The following STAG1 variants were observed in gnomAD, a reference collection of about 807,000 sequenced individuals.
STAG1 encodes the protein cohesin subunit SA-1.
STAG1 carries 26 observed loss-of-function variants against 170.9 expected under a neutral mutation model. The observed-to-expected ratio is 0.15, with a 90% CI of 0.11 to 0.21. The LOEUF (loss-of-function observed/expected upper bound fraction) is 0.21, where lower values mean the gene tolerates loss of function less well. Among genes scored for constraint, STAG1 ranks in the 10% least tolerant of loss-of-function variants. The probability of loss-of-function intolerance (pLI) is 1.00; values close to 1 mark genes in which losing one functional copy is unlikely to be tolerated. For missense variants in STAG1, 964 were observed against 1,509.5 expected, an observed-to-expected ratio of 0.64 and a Z score of 5.99; for synonymous variants, 514 against 497.7, an observed-to-expected ratio of 1.03 and a Z score of -0.44.
rs572334876 is a variant in STAG1 at position 136,628,010 on chromosome 3, C to T, written c.29+2860G>A. On this transcript the variant is annotated intron_variant, in intron 2 of 33. Coordinates refer to ENST00000383202, the MANE Select transcript of STAG1 (RefSeq NM_005862.3). ...TTATTATATCTCTATCATGCTGATA[C>T]GGTTTGGCTCTGTGTCCTCACCAAA... Among the ~76,000 whole-genome samples, 8 of 152,280 alleles carry T rather than the reference C, an allele frequency of 5.3e-5. No individual in the cohort carries two copies. In the South Asian group the frequency reaches 1.0e-3, roughly 20 times the overall value.
At chr3:136,522,581 TCA>T (rs1311206687) in intron 6 of STAG1, among the ~76,000 whole-genome samples, 1 of 152,214 alleles carries the variant, frequency 6.6e-6, no homozygotes, top group African/African-American at 2.4e-5. Flanking sequence ...TAATTATTTT[TCA>T]CTCTACTTTT....
intron 29 of STAG1, 35 bp from the exon 30 acceptor site, chr3:136,344,041 G>A (rs758075536): frequency 1.1e-4 from 157 of 1,493,372 alleles, no homozygotes; most frequent in Non-Finnish European, 1.4e-4. Flanking sequence ...ACAATGTCGT[G>A]GGTGGAGTGA....
At position 136,433,708 on chromosome 3, in the gene STAG1, C is replaced by T. The variant is rs188686787; in HGVS notation, c.1547-49G>A. 1.0e-4 allele frequency: 131 copies of T among 1,261,032 alleles called. No individual in the cohort carries two copies. In the Admixed American group the frequency reaches 2.5e-3, roughly 24 times the overall value. 78.1% of individuals were successfully genotyped at this position (1,261,032 alleles called of 1,614,324 possible). A position where few individuals can be genotyped will look rare whatever the true frequency, so the allele number is the denominator to read the frequency against. ...GCATGAGTAGACAGTTTTACAACAA[C>T]CATGTATTAAAAATGAACACATTAT... On this transcript the variant is annotated intron_variant, in intron 15 of 33. Coordinates refer to ENST00000383202, the MANE Select transcript of STAG1 (RefSeq NM_005862.3).
intron 14 of STAG1, among the ~76,000 whole-genome samples, chr3:136,444,321 G>T (rs1006149973): frequency 6.6e-6 from 1 of 152,142 alleles, no homozygotes; most frequent in Non-Finnish European, 1.5e-5. Flanking sequence ...AGATCTGCCT[G>T]CCTCGGCCTG....
chr3:136,523,848 G>A lies in STAG1; in HGVS notation c.472-2431C>T, dbSNP rs1007181581. On this transcript the variant is annotated intron_variant, in intron 6 of 33. Transcript: ENST00000383202. ...TTTTCCCAGCACCATTCATTAAATAGGGAATCCTTTCCCCATTGCTTGTTT... is the reference window on the plus strand; with the variant it reads ...TTTTCCCAGCACCATTCATTAAATAAGGAATCCTTTCCCCATTGCTTGTTT... 2.9e-4 allele frequency among the ~76,000 whole-genome samples: 44 copies of A among 152,212 alleles called. 1 individual carries two copies. The highest frequency in any genetic ancestry group is 1.0e-3 in the African/African-American group (43 of 41,556).
chr3:136,383,837 C>T (rs1252349209), intron 22 of STAG1, among the ~76,000 whole-genome samples: 1 of 151,660 alleles, frequency 6.6e-6, no homozygotes, highest in Admixed American at 6.6e-5. Flanking sequence ...CGCCTGTAGT[C>T]CTAGCTACTC....
At chr3:136,511,713 G>A (rs927569737) in intron 7 of STAG1, among the ~76,000 whole-genome samples, 2 of 152,094 alleles carry the variant, frequency 1.3e-5, no homozygotes, top group African/African-American at 4.8e-5. Flanking sequence ...CTTAATACCT[G>A]GGTGACAAAA....
chr3:136,531,491 C>A (rs1935363706), intron 6 of STAG1, among the ~76,000 whole-genome samples: 1 of 148,952 alleles, frequency 6.7e-6, no homozygotes, highest in Non-Finnish European at 1.5e-5. Context: ...TTCACAATAG[C>A]AAAGACTTGG....
chr3:136,372,960 T>C (rs894627589), intron 23 of STAG1, among the ~76,000 whole-genome samples: 1 of 152,222 alleles, frequency 6.6e-6, no homozygotes, highest in African/African-American at 2.4e-5. Context: ...AGAATTCGGC[T>C]GTGAATCCAT....
At chr3:136,436,422 C>T (rs1236411914) in intron 15 of STAG1, among the ~76,000 whole-genome samples, 1 of 152,006 alleles carries the variant, frequency 6.6e-6, no homozygotes, top group African/African-American at 2.4e-5. Context: ...GCTGGGATTA[C>T]AGGCATGTAC....
chr3:136,474,436 T>C (rs1239637166), intron 10 of STAG1, among the ~76,000 whole-genome samples: 1 of 152,230 alleles, frequency 6.6e-6, no homozygotes, highest in Non-Finnish European at 1.5e-5. Flanking sequence ...GTTTCTTGTT[T>C]ATAAAATTAT....
chr3:136,452,187 A>G (rs554510420), intron 13 of STAG1, 40 bp from the exon 14 acceptor site: 26 of 1,285,418 alleles, frequency 2.0e-5, no homozygotes, highest in Non-Finnish European at 2.5e-5. Flanking sequence ...TTACATGAAT[A>G]TGAACTTTAG....
chr3:136,521,183 T>A, intron 7 of STAG1, 30 bp downstream of exon 7: 1 of 1,568,344 alleles, frequency 6.4e-7, no homozygotes, highest in African/African-American at 1.4e-5. Context: ...CAAAACTAAA[T>A]GAAAAGGAAA....
At chr3:136,719,972 T>G (rs1014209640) in intron 1 of STAG1, among the ~76,000 whole-genome samples, 1 of 151,202 alleles carries the variant, frequency 6.6e-6, no homozygotes, top group Non-Finnish European at 1.5e-5. Flanking sequence ...AGGCCAGGAG[T>G]TCGAGACCAG....
At chr3:136,450,757 T>G (rs928035535) in intron 14 of STAG1, among the ~76,000 whole-genome samples, 8 of 152,208 alleles carry the variant, frequency 5.3e-5, no homozygotes, top group Non-Finnish European at 8.8e-5. Flanking sequence ...TATTTTAATT[T>G]TTTTTGAGAC....
chr3:136,542,076 AAAGTAT>A (rs903943595), intron 6 of STAG1, 37 bp downstream of exon 6: 6 of 1,378,170 alleles, frequency 4.4e-6, no homozygotes, highest in African/African-American at 4.3e-5. Context: ...TCATCATGTG[AAAGTAT>A]AAGTAAGCAA....
Position 136,398,817 on chromosome 3 carries a change from C to T in STAG1, c.2209G>A (p.Ala737Thr). ...GAMPEQIVVQ[A>T]LQCSHYSILW... ...ATCGAATAATGGGAACACTGCAGTGCTTGCACGACTATCTGTATCAAATGA... is the reference window on the plus strand; with the variant it reads ...ATCGAATAATGGGAACACTGCAGTGTTTGCACGACTATCTGTATCAAATGA... The change falls in exon 22 of 34, where the codon GCA (alanine) becomes ACA (threonine). Residue 737 changes from alanine to threonine, a missense_variant. Coordinates refer to ENST00000383202, the MANE Select transcript of STAG1 (RefSeq NM_005862.3). 2 of 1,574,964 alleles carry T rather than the reference C, an allele frequency of 1.3e-6. No homozygotes were observed. The highest frequency in any genetic ancestry group is 1.2e-5 in the South Asian group (1 of 83,820).
intron 6 of STAG1, among the ~76,000 whole-genome samples, chr3:136,532,199 T>C (rs1168778777): frequency 1.3e-5 from 2 of 152,128 alleles, no homozygotes; most frequent in Non-Finnish European, 2.9e-5. Flanking sequence ...CATCAGAGAC[T>C]ATTATGAACA....
intron 1 of STAG1, among the ~76,000 whole-genome samples, chr3:136,718,101 A>G (rs1932966055): frequency 6.6e-6 from 1 of 152,242 alleles, no homozygotes; most frequent in African/African-American, 2.4e-5. Flanking sequence ...CCATTTTTAA[A>G]CAAAGGTAAA....
Sources: gnomAD v4.1 joint callset for allele counts (sites outside exome capture counted in the v4.1 genomes callset) on GRCh38, gnomAD v4.1.1 for gene constraint, MANE v1.5 for transcripts, NCBI Gene and HGNC (gene_info 2026-07-23, HGNC 2026-07-21) for gene names.